Variants in ANKS1B observed in about 807,000 individuals in gnomAD.
ANKS1B encodes ankyrin repeat and sterile alpha motif domain containing 1B.
In ANKS1B, 36 loss-of-function variants were observed where a neutral mutation model predicts 148.3. That is an observed-to-expected ratio of 0.24 (90% CI 0.19 to 0.32). The LOEUF (loss-of-function observed/expected upper bound fraction) is 0.32, where lower values mean the gene tolerates loss of function less well. Ranked by LOEUF, ANKS1B falls within the 10% of genes least tolerant of loss-of-function variation. The probability of loss-of-function intolerance (pLI) is 1.00; values close to 1 mark genes in which losing one functional copy is unlikely to be tolerated. For missense variants in ANKS1B, 1,157 were observed against 1,542.6 expected, an observed-to-expected ratio of 0.75 and a Z score of 4.19; for synonymous variants, 542 against 560.8, an observed-to-expected ratio of 0.97 and a Z score of 0.47.
intron 1 of ANKS1B, among the ~76,000 whole-genome samples, chr12:99,867,797 T>G (rs1253913798): frequency 6.6e-6 from 1 of 152,022 alleles, no homozygotes; most frequent in African/African-American, 2.4e-5. Flanking sequence ...CAAATGTGTG[T>G]TGTTGTTGTT....
intron 17 of ANKS1B, among the ~76,000 whole-genome samples, chr12:98,980,410 G>C (rs1006344746): frequency 6.6e-6 from 1 of 152,192 alleles, no homozygotes; most frequent in African/African-American, 2.4e-5. Context: ...GTTTCACCGT[G>C]TTAGCCAGGA....
chr12:99,661,308 A>G (rs1433288176), intron 8 of ANKS1B, among the ~76,000 whole-genome samples: 3 of 152,198 alleles, frequency 2.0e-5, no homozygotes, highest in Non-Finnish European at 4.4e-5. Context: ...AGATGAGAAG[A>G]AGTTAATCAC....
chr12:99,185,118 T>C (rs1433656919), intron 14 of ANKS1B, among the ~76,000 whole-genome samples: 1 of 152,130 alleles, frequency 6.6e-6, no homozygotes, highest in Non-Finnish European at 1.5e-5. Flanking sequence ...ACACGATGAG[T>C]GACACACAAT....
At chr12:99,508,802 A>C (rs2096736103) in intron 9 of ANKS1B, among the ~76,000 whole-genome samples, 1 of 151,858 alleles carries the variant, frequency 6.6e-6, no homozygotes, top group African/African-American at 2.4e-5. Flanking sequence ...CTGTATCTGG[A>C]CTTTCTAATT....
intron 14 of ANKS1B, among the ~76,000 whole-genome samples, chr12:99,176,483 G>A (rs886652722): frequency 6.6e-6 from 1 of 152,070 alleles, no homozygotes; most frequent in South Asian, 2.1e-4. Context: ...CATTTCAGCT[G>A]CTTCAGGATT....
intron 9 of ANKS1B, among the ~76,000 whole-genome samples, chr12:99,555,748 G>A (rs187603134): frequency 6.9e-4 from 105 of 152,174 alleles, no homozygotes; most frequent in South Asian, 1.0e-3. Flanking sequence ...ATTTATTTGC[G>A]TATGTTGAGC....
At chr12:98,873,467 A>G (rs2099677878) in intron 17 of ANKS1B, among the ~76,000 whole-genome samples, 1 of 152,266 alleles carries the variant, frequency 6.6e-6, no homozygotes, top group African/African-American at 2.4e-5. Context: ...TAAGTGATAT[A>G]AGGTTTAAAA....
intron 1 of ANKS1B, among the ~76,000 whole-genome samples, chr12:99,889,944 C>A (rs2093010271): frequency 6.6e-6 from 1 of 152,076 alleles, no homozygotes; most frequent in Non-Finnish European, 1.5e-5. Context: ...CAGCTTAAAA[C>A]CTCCCCAGGT....
At chr12:99,228,776 C>T (rs558548974) in intron 14 of ANKS1B, among the ~76,000 whole-genome samples, 1 of 151,838 alleles carries the variant, frequency 6.6e-6, no homozygotes, top group South Asian at 2.1e-4. Context: ...TTTCTGAAAC[C>T]ACTGAAACAC....
At position 99,139,439 on chromosome 12, in the gene ANKS1B, T is replaced by TTTCTTTCTTTC. The variant is rs1491097554; in HGVS notation, c.2526+14849_2526+14850insGAAAGAAAGAA. On this transcript the variant is annotated intron_variant, in intron 15 of 26. Transcript: ENST00000683438. ...CTTTCTTTCTTTCTTTCTTTCTTTCTTTTTCTTTCTTTCTTTCTTTCAAGA... is the reference window on the plus strand; with the variant it reads ...CTTTCTTTCTTTCTTTCTTTCTTTCTTTCTTTCTTTCTTTTCTTTCTTTCTTTCTTTCAAGA... Among the ~76,000 whole-genome samples, 11 of 3,520 alleles carry TTTCTTTCTTTC rather than the reference T, an allele frequency of 3.1e-3. 2 individuals carry two copies. The highest frequency in any genetic ancestry group is 3.9e-3 in the Non-Finnish European group (11 of 2,846). The allele number at this position is 3,520 out of a possible 152,430, so 2.3% of individuals were successfully genotyped here.
In ANKS1B at chr12:99,566,930, C is replaced by G. The variant is rs546633215; in HGVS notation, c.1273-62289G>C. On this transcript the variant is annotated intron_variant, in intron 9 of 26. Coordinates refer to ENST00000683438, the MANE Select transcript of ANKS1B (RefSeq NM_001352186.2). The stretch of plus-strand genomic sequence containing the variant: ...TCTACTGTCTAATCCCAAAGCTGCT[C>G]CCATATTTTAGGTATGCCTCTTGGT... 5.9e-5 allele frequency among the ~76,000 whole-genome samples: 9 copies of G among 152,324 alleles called. No individual in the cohort carries two copies. In the East Asian group the frequency reaches 1.5e-3, roughly 26 times the overall value.
intron 25 of ANKS1B, among the ~76,000 whole-genome samples, chr12:98,756,471 T>C (rs948182012): frequency 1.1e-4 from 17 of 149,570 alleles, no homozygotes; most frequent in Non-Finnish European, 2.1e-4. Flanking sequence ...CAGACTAATA[T>C]AGAGGCTGAG....
At chr12:98,895,629 T>G (rs575599687) in intron 17 of ANKS1B, among the ~76,000 whole-genome samples, 1 of 152,274 alleles carries the variant, frequency 6.6e-6, no homozygotes, top group South Asian at 2.1e-4. Context: ...GCGTTCCAGC[T>G]GTTCTCAGAG....
At chr12:99,192,795 A>T (rs1459696425) in intron 14 of ANKS1B, among the ~76,000 whole-genome samples, 1 of 152,132 alleles carries the variant, frequency 6.6e-6, no homozygotes, top group Non-Finnish European at 1.5e-5. Context: ...ATTCCAAATT[A>T]TTCTAATAGC....
chr12:99,905,310 T>C (rs1404087095), intron 1 of ANKS1B, among the ~76,000 whole-genome samples: 1 of 152,162 alleles, frequency 6.6e-6, no homozygotes, highest in Admixed American at 6.5e-5. Context: ...CCAGAGACCA[T>C]GGAAGGGAGT....
At chr12:99,192,651 T>C (rs2080888585) in intron 14 of ANKS1B, among the ~76,000 whole-genome samples, 1 of 152,074 alleles carries the variant, frequency 6.6e-6, no homozygotes, top group South Asian at 2.1e-4. Flanking sequence ...TAATATCACA[T>C]TTTAAATAAT....
At chr12:99,186,894 T>C (rs985454511) in intron 14 of ANKS1B, among the ~76,000 whole-genome samples, 2 of 151,894 alleles carry the variant, frequency 1.3e-5, no homozygotes, top group African/African-American at 4.8e-5. Flanking sequence ...TTGACAGAAG[T>C]AGGCTTCAGA....
intron 9 of ANKS1B, among the ~76,000 whole-genome samples, chr12:99,551,117 A>C (rs551849974): frequency 6.6e-6 from 1 of 152,310 alleles, no homozygotes; most frequent in African/African-American, 2.4e-5. Context: ...ACAAATATGG[A>C]ATCAAGAAAT....
chr12:99,242,603 G>T (rs891494477), intron 14 of ANKS1B, among the ~76,000 whole-genome samples: 4 of 152,122 alleles, frequency 2.6e-5, no homozygotes, highest in African/African-American at 7.2e-5. Context: ...TAAGCAAAAA[G>T]AACAAACCAG....
Sources: allele counts gnomAD v4.1 joint callset (sites outside exome capture counted in the v4.1 genomes callset), GRCh38; gene constraint gnomAD v4.1.1; transcripts MANE v1.5; gene names NCBI Gene and HGNC (gene_info 2026-07-23, HGNC 2026-07-21).